Variants in PRKG1 observed in about 807,000 individuals in gnomAD.
PRKG1 encodes protein kinase cGMP-dependent 1, also known as cGMP-dependent protein kinase 1.
A neutral mutation model predicts 88.1 loss-of-function variants in PRKG1; 35 were observed. That is an observed-to-expected ratio of 0.40 (90% CI 0.30 to 0.53). The LOEUF is 0.53. Ranked by LOEUF, PRKG1 falls within the 20% of genes least tolerant of loss-of-function variation. The pLI is 0.59. For missense variants in PRKG1, 540 were observed against 839.8 expected (o/e 0.64, Z 4.41); for synonymous variants, 303 against 292.5 (o/e 1.04, Z -0.37).
chr10:51,054,623 A>G (rs1050026641), intron 1 of PRKG1, among the ~76,000 whole-genome samples: 1 of 152,220 alleles, frequency 6.6e-6, no homozygotes, highest in Non-Finnish European at 1.5e-5. Context: ...TTACCAAAGC[A>G]TGAGTTTTGG....
At chr10:52,176,117 G>A (rs1172617750) in intron 9 of PRKG1, among the ~76,000 whole-genome samples, 1 of 147,976 alleles carries the variant, frequency 6.8e-6, no homozygotes, top group Non-Finnish European at 1.5e-5. Flanking sequence ...ATTGAGTTTT[G>A]CAGTTTGGGG....
intron 4 of PRKG1, among the ~76,000 whole-genome samples, chr10:51,846,715 T>C (rs1421414956): frequency 6.6e-6 from 1 of 152,168 alleles, no homozygotes; most frequent in Non-Finnish European, 1.5e-5. Flanking sequence ...ATCCATTCAC[T>C]TTTGCTGGGA....
chr10:51,595,735 G>A (rs1419183078), intron 3 of PRKG1, among the ~76,000 whole-genome samples: 1 of 152,010 alleles, frequency 6.6e-6, no homozygotes, highest in East Asian at 1.9e-4. Flanking sequence ...ACTCCTCCAG[G>A]TAAACCTTTT....
rs185286957 is a variant in PRKG1 at position 51,325,776 on chromosome 10, C to T, written c.479-141947C>T. 5.3e-4 allele frequency among the ~76,000 whole-genome samples: 80 copies of T among 152,210 alleles called. 1 individual carries two copies. The East Asian group carries it at 0.012, about 22-fold the overall frequency. ...GACTGTGCAGGGACTTGCTGGGAGACGCAAGCCTCTCTGAGCCAACAAGAC... is the reference window on the plus strand; with the variant it reads ...GACTGTGCAGGGACTTGCTGGGAGATGCAAGCCTCTCTGAGCCAACAAGAC... On this transcript the variant is annotated intron_variant, in intron 2 of 17. Transcript: ENST00000373980.
At chr10:51,183,499 T>C (rs1006780966) in intron 2 of PRKG1, among the ~76,000 whole-genome samples, 1 of 152,282 alleles carries the variant, frequency 6.6e-6, no homozygotes, top group African/African-American at 2.4e-5. Context: ...AGCTACCATT[T>C]ATTGCACGTG....
chr10:51,153,744 T>A (rs1157008638), intron 2 of PRKG1, among the ~76,000 whole-genome samples: 1 of 152,000 alleles, frequency 6.6e-6, no homozygotes, highest in Non-Finnish European at 1.5e-5. Flanking sequence ...TTTCCTGCTA[T>A]GAAGCTTCTG....
At position 51,835,382 on chromosome 10, in the gene PRKG1, G is replaced by C. The variant is rs140468628; in HGVS notation, c.698+30692G>C. ...AGAGCACATCTCTGAAGGGACAGAT[G>C]CTGGCCATTTAAATGTGGGCTTTGC... On this transcript the variant is annotated intron_variant, in intron 4 of 17. Coordinates refer to ENST00000373980, the MANE Select transcript of PRKG1 (RefSeq NM_006258.4). Among the ~76,000 whole-genome samples, 85 of 152,302 alleles carry C rather than the reference G, an allele frequency of 5.6e-4. No homozygotes were observed. In the East Asian group the frequency reaches 0.014, roughly 24 times the overall value.
At chr10:52,070,197 G>C (rs924842650) in intron 7 of PRKG1, among the ~76,000 whole-genome samples, 11 of 151,998 alleles carry the variant, frequency 7.2e-5, no homozygotes, top group Admixed American at 5.2e-4. Flanking sequence ...GCCCACTATT[G>C]CTCCTGTAAC....
At chr10:51,365,996 A>G (rs1039177452) in intron 2 of PRKG1, among the ~76,000 whole-genome samples, 1 of 151,912 alleles carries the variant, frequency 6.6e-6, no homozygotes, top group Admixed American at 6.6e-5. Flanking sequence ...TCTATCACTC[A>G]AGTTCTATAT....
chr10:51,349,850 T>G (rs1157831524), intron 2 of PRKG1, among the ~76,000 whole-genome samples: 1 of 152,104 alleles, frequency 6.6e-6, no homozygotes, highest in Non-Finnish European at 1.5e-5. Context: ...TCTCTAGAGA[T>G]TCTCAGTGGA....
chr10:51,804,357 T>C (rs1352638948), intron 3 of PRKG1, among the ~76,000 whole-genome samples: 1 of 152,148 alleles, frequency 6.6e-6, no homozygotes, highest in East Asian at 1.9e-4. Flanking sequence ...ATCTTCCTAG[T>C]AGATAATAAT....
intron 5 of PRKG1, among the ~76,000 whole-genome samples, chr10:52,016,797 T>C (rs1478525218): frequency 1.3e-5 from 2 of 152,116 alleles, no homozygotes; most frequent in African/African-American, 4.8e-5. Flanking sequence ...TATTTATAAA[T>C]GCTATATAAT....
chr10:51,243,412 C>T, intron 2 of PRKG1, among the ~76,000 whole-genome samples: 1 of 152,182 alleles, frequency 6.6e-6, no homozygotes, highest in East Asian at 1.9e-4. Context: ...TTGCCCTGGT[C>T]AGGGTGTAGG....
intron 4 of PRKG1, among the ~76,000 whole-genome samples, chr10:51,810,971 A>G (rs1839441768): frequency 6.6e-6 from 1 of 152,212 alleles, no homozygotes; most frequent in Non-Finnish European, 1.5e-5. Context: ...GGATTAAATG[A>G]TTTTAGATTT....
intron 3 of PRKG1, among the ~76,000 whole-genome samples, chr10:51,626,215 G>A (rs1284898700): frequency 1.3e-5 from 2 of 152,116 alleles, no homozygotes; most frequent in Non-Finnish European, 2.9e-5. Context: ...AGAAATCCCC[G>A]TGAAAACTGG....
Position 51,389,558 on chromosome 10 carries a change from G to T in PRKG1, c.479-78165G>T, listed in dbSNP as rs552775534. 1.0e-3 allele frequency among the ~76,000 whole-genome samples: 152 copies of T among 152,214 alleles called. 6 individuals are homozygous for T. In the South Asian group the frequency reaches 0.031, roughly 31 times the overall value. On this transcript the variant is annotated intron_variant, in intron 2 of 17. Coordinates refer to ENST00000373980, the MANE Select transcript of PRKG1 (RefSeq NM_006258.4). ...ATCCTGGGGCAGGCAGACAGCTCTA[G>T]GTTTGCACTTTCACCCTTCTACTTG...
intron 3 of PRKG1, among the ~76,000 whole-genome samples, chr10:51,702,347 A>G (rs78450331): frequency 0.021 from 3,144 of 152,312 alleles, 113 homozygotes; most frequent in African/African-American, 0.069. Flanking sequence ...CCCAGAACAC[A>G]TGAACTAATA....
At chr10:52,239,184 G>T (rs1179360535) in intron 9 of PRKG1, among the ~76,000 whole-genome samples, 1 of 91,916 alleles carries the variant, frequency 1.1e-5, no homozygotes, top group East Asian at 3.8e-4. Flanking sequence ...GGTGGGGGGA[G>T]GGGGGAGGGA....
At chr10:51,051,603 G>C (rs567619590) in intron 1 of PRKG1, among the ~76,000 whole-genome samples, 54 of 152,204 alleles carry the variant, frequency 3.5e-4, no homozygotes, top group South Asian at 3.5e-3. Flanking sequence ...CAGCATATCT[G>C]TTAACACATA....
Sources: allele counts gnomAD v4.1 joint callset (sites outside exome capture counted in the v4.1 genomes callset), GRCh38; gene constraint gnomAD v4.1.1; transcripts MANE v1.5; gene names NCBI Gene and HGNC (gene_info 2026-07-23, HGNC 2026-07-21).